Variants in CFAP47 observed in about 807,000 individuals in gnomAD.
The protein encoded by CFAP47 is cilia- and flagella-associated protein 47.
In CFAP47, 29 loss-of-function variants were observed where a neutral mutation model predicts 148.1. The ratio of observed to expected loss-of-function variants is 0.20; its 90% CI spans 0.15 to 0.27. The LOEUF (loss-of-function observed/expected upper bound fraction) is 0.27, where lower values mean the gene tolerates loss of function less well. Ranked by LOEUF, CFAP47 falls within the 10% of genes least tolerant of loss-of-function variation. The pLI is 1.00. For missense variants in CFAP47, 1,872 were observed against 1,697.5 expected (o/e 1.10, Z -1.81); for synonymous variants, 664 against 577.3 (o/e 1.15, Z -2.15).
chrX:36,374,760 G>T, intron 62 of CFAP47: 1 of 542,823 alleles, frequency 1.8e-6, no homozygotes, highest in South Asian at 3.1e-5. Context: ...TTTTTTCCAT[G>T]AGGCATTTTA....
At chrX:35,940,666 C>G (rs893902570) in intron 2 of CFAP47, among the ~76,000 whole-genome samples, 2 of 110,517 alleles carry the variant, frequency 1.8e-5, no homozygotes, top group African/African-American at 3.3e-5. Context: ...CTCTCCCCCG[C>G]TCTCTCTCTC....
At chrX:36,152,789 A>T (rs1238864867) in intron 37 of CFAP47, among the ~76,000 whole-genome samples, 3 of 111,259 alleles carry the variant, frequency 2.7e-5, no homozygotes, top group African/African-American at 9.8e-5. Flanking sequence ...TATTGTTTTT[A>T]TGTGGAGAGA....
intron 48 of CFAP47, among the ~76,000 whole-genome samples, chrX:36,242,270 T>C (rs1321253444): frequency 8.9e-6 from 1 of 112,153 alleles, no homozygotes; most frequent in East Asian, 2.8e-4. Context: ...CAGAGCGTCT[T>C]CTTACCTCCA....
chrX:36,122,871 C>T (rs779832486), intron 33 of CFAP47, among the ~76,000 whole-genome samples: 1 of 111,269 alleles, frequency 9.0e-6, no homozygotes, highest in Non-Finnish European at 1.9e-5. Context: ...ATATGTTCTT[C>T]GGTGACTGGG....
In CFAP47 at chrX:35,966,677, CT is replaced by C; in HGVS notation, c.1526del (p.Phe509SerfsTer6). ...EEDLQSLSVK[S>X]FHHVYLAFNS... Reference sequence around the variant, plus strand: ...GATTTGCAATCTTTGTCGGTAAAATCTTTCCATCACGTATATTTAGCTTTCA... The same window carrying C: ...GATTTGCAATCTTTGTCGGTAAAATCTTCCATCACGTATATTTAGCTTTCA... On this transcript the variant is annotated frameshift_variant, in exon 9 of 64. Coordinates refer to ENST00000378653, the MANE Select transcript of CFAP47 (RefSeq NM_001304548.2). LOFTEE classifies it high-confidence loss of function. 8.5e-7 allele frequency: 1 copy of C among 1,180,592 alleles called. No individual in the cohort carries two copies. Among genetic ancestry groups the C allele is most frequent in the South Asian group, 1.9e-5 (1 of 52,062 alleles).
chrX:36,175,219 C>T (rs376721348), intron 39 of CFAP47, among the ~76,000 whole-genome samples: 2 of 110,788 alleles, frequency 1.8e-5, no homozygotes, highest in African/African-American at 3.3e-5. Context: ...TTTTTCAAAG[C>T]TTTCAACTTC....
At chrX:35,924,459 A>AT (rs1393030317) in intron 1 of CFAP47, among the ~76,000 whole-genome samples, 8 of 106,472 alleles carry the variant, frequency 7.5e-5, no homozygotes, top group East Asian at 3.1e-4. Context: ...ATGTGTATAT[A>AT]GGTGCACCTA....
chrX:36,180,318 C>T (rs2146867663), intron 40 of CFAP47, among the ~76,000 whole-genome samples: 1 of 111,652 alleles, frequency 9.0e-6, no homozygotes, highest in East Asian at 2.8e-4. Context: ...AAGTTAAGTA[C>T]AATTAAAAAC....
intron 25 of CFAP47, among the ~76,000 whole-genome samples, chrX:36,046,413 C>T (rs147421867): frequency 0.021 from 2,291 of 110,202 alleles, 73 homozygotes; most frequent in African/African-American, 0.07. Flanking sequence ...TGTATATATG[C>T]GCTTAATAGT....
At chrX:36,341,441 G>T (rs1333109656) in intron 57 of CFAP47, among the ~76,000 whole-genome samples, 1 of 111,292 alleles carries the variant, frequency 9.0e-6, no homozygotes, top group Non-Finnish European at 1.9e-5. Context: ...AACGGGAGCA[G>T]AAATGTAATA....
intron 39 of CFAP47, among the ~76,000 whole-genome samples, chrX:36,168,987 T>C (rs774522039): frequency 8.9e-6 from 1 of 111,824 alleles, no homozygotes; most frequent in Admixed American, 9.5e-5. Flanking sequence ...GAAGGACAGT[T>C]TTTTTGTTTT....
intron 29 of CFAP47, among the ~76,000 whole-genome samples, chrX:36,077,559 G>A (rs1182801757): frequency 1.8e-5 from 2 of 109,341 alleles, no homozygotes; most frequent in Non-Finnish European, 3.8e-5. Context: ...TCTTGATTTG[G>A]CTCTCAGTGT....
chrX:35,951,604 ATTTC>A, intron 5 of CFAP47, among the ~76,000 whole-genome samples, 195 bp from the exon 6 acceptor site: 1 of 111,705 alleles, frequency 9.0e-6, no homozygotes, highest in Non-Finnish European at 1.9e-5. Flanking sequence ...AATTGAAGGT[ATTTC>A]TGTTCTCATC....
chrX:36,334,960 A>G (rs1432078932), intron 57 of CFAP47, among the ~76,000 whole-genome samples: 6 of 110,781 alleles, frequency 5.4e-5, no homozygotes, highest in African/African-American at 1.3e-4. Context: ...TGCTCATACC[A>G]TAGGTGATCT....
chrX:36,168,411 A>C (rs1274003814), intron 39 of CFAP47, among the ~76,000 whole-genome samples: 1 of 112,003 alleles, frequency 8.9e-6, no homozygotes, highest in Admixed American at 9.5e-5. Context: ...AACTCAGATG[A>C]ATACCAACTG....
At chrX:36,227,332 C>T (rs1465571449) in intron 45 of CFAP47, among the ~76,000 whole-genome samples, 1 of 111,352 alleles carries the variant, frequency 9.0e-6, no homozygotes, top group Non-Finnish European at 1.9e-5. Flanking sequence ...CCATTATCAG[C>T]ATGTTTTAAT....
intron 33 of CFAP47, among the ~76,000 whole-genome samples, chrX:36,113,211 T>G (rs1053501397): frequency 8.0e-5 from 9 of 112,383 alleles, no homozygotes; most frequent in Non-Finnish European, 1.7e-4. Context: ...TTACATGTGC[T>G]TTTGTAATGG....
At chrX:36,317,967 A>C (rs901939989) in intron 56 of CFAP47, among the ~76,000 whole-genome samples, 1 of 111,685 alleles carries the variant, frequency 9.0e-6, no homozygotes, top group Non-Finnish European at 1.9e-5. Flanking sequence ...TTCTTGATTA[A>C]CAACACTCCA....
intron 26 of CFAP47, 122 bp downstream of exon 26, chrX:36,047,185 T>C: frequency 1.9e-6 from 1 of 527,539 alleles, no homozygotes; most frequent in Non-Finnish European, 3.0e-6. Context: ...GACATAAAGA[T>C]TATTTCTAAA....
Sources: allele counts gnomAD v4.1 joint callset (sites outside exome capture counted in the v4.1 genomes callset), GRCh38; gene constraint gnomAD v4.1.1; transcripts MANE v1.5; gene names NCBI Gene and HGNC (gene_info 2026-07-23, HGNC 2026-07-21).